Variants in MPV17 observed in about 807,000 individuals in gnomAD.
The protein encoded by MPV17 is mitochondrial inner membrane protein MPV17, also known as MPV17, mitochondrial inner membrane protein.
Under a neutral mutation model 28.6 loss-of-function variants are expected in MPV17, and 31 were observed. That is an observed-to-expected ratio of 1.08 (90% CI 0.81 to 1.46). The LOEUF is 1.46. MPV17 is among the 40% of genes most tolerant of loss of function. The pLI is 0.00. For missense variants in MPV17, 198 were observed against 216.2 expected (o/e 0.92, Z 0.53); for synonymous variants, 87 against 85.3 (o/e 1.02, Z -0.11).
intron 2 of MPV17, chr2:27,321,852 T>C (rs910717232): frequency 1.3e-5 from 2 of 155,226 alleles, no homozygotes; most frequent in African/African-American, 4.8e-5. Context: ...ATGAACGATA[T>C]AAACAAAACT....
Position 27,320,018 on chromosome 2 carries a change from ACGAGGTCAAGTGTC to A in MPV17, c.70+2416_70+2429del, listed in dbSNP as rs532566245. On this transcript the variant is annotated intron_variant, in intron 2 of 7. Transcript: ENST00000380044. ...TTTAGGAGGCCGAGGCGGGTGAATCACGAGGTCAAGTGTCCGAGACCAGCCTGGCCAACATGGTG... is the reference window on the plus strand; with the variant it reads ...TTTAGGAGGCCGAGGCGGGTGAATCACGAGACCAGCCTGGCCAACATGGTG... Among the ~76,000 whole-genome samples the A allele has an allele frequency of 6.4e-3, 967 of 151,106 alleles. 8 individuals are homozygous for A. Among genetic ancestry groups the A allele is most frequent in the South Asian group, 0.01 (49 of 4,774 alleles).
chr2:27,322,533 AAGAGG>A lies in MPV17; in HGVS notation c.-5-16_-5-12del, dbSNP rs1215921551. The A allele has an allele frequency of 6.2e-7, 1 of 1,613,122 alleles. No individual in the cohort carries two copies. The highest frequency in any genetic ancestry group is 1.7e-5 in the Admixed American group (1 of 60,026). On this transcript the variant is annotated splice_polypyrimidine_tract_variant and intron_variant, in intron 1 of 7. Coordinates refer to ENST00000380044, the MANE Select transcript of MPV17 (RefSeq NM_002437.5). ...AGAGTGCCATGCTTCCTGTCAAGCCAAGAGGAGAGGGGGTCACCCCCACCGTCCCT... is the reference window on the plus strand; with the variant it reads ...AGAGTGCCATGCTTCCTGTCAAGCCAAGAGGGGGTCACCCCCACCGTCCCT...
intron 2 of MPV17, chr2:27,316,074 C>T: frequency 6.4e-7 from 1 of 1,550,678 alleles, no homozygotes; most frequent in Non-Finnish European, 8.7e-7. Context: ...CCCAAAGGGC[C>T]TGCATATCAA....
At chr2:27,319,411 C>T (rs559026420) in intron 2 of MPV17, among the ~76,000 whole-genome samples, 1 of 147,196 alleles carries the variant, frequency 6.8e-6, no homozygotes, top group East Asian at 2.1e-4. Flanking sequence ...CGGTCCCAAC[C>T]ACTCGGGAGG....
intron 2 of MPV17, among the ~76,000 whole-genome samples, chr2:27,314,105 G>A (rs2148217300): frequency 6.6e-6 from 1 of 152,294 alleles, no homozygotes; most frequent in East Asian, 1.9e-4. Flanking sequence ...CAGGAGGATT[G>A]CTTGAGCCCA....
chr2:27,322,597 G>T, intron 1 of MPV17, 75 bp from the exon 2 acceptor site: 1 of 1,211,178 alleles, frequency 8.3e-7, no homozygotes, highest in African/African-American at 1.5e-5. Context: ...ACATTCCCTT[G>T]TGCCCACTCC....
chr2:27,310,095 A>C, intron 7 of MPV17, 114 bp from the exon 8 acceptor site: 1 of 842,672 alleles, frequency 1.2e-6, no homozygotes, highest in Non-Finnish European at 2.0e-6. Context: ...TGGCAGGTTT[A>C]GGTCTCTTTC....
chr2:27,310,901 C>T (rs747705616), intron 7 of MPV17, among the ~76,000 whole-genome samples: 3 of 147,712 alleles, frequency 2.0e-5, no homozygotes, highest in Non-Finnish European at 3.0e-5. Context: ...CCTGCCACCA[C>T]ACCCAGCTAA....
chr2:27,313,759 C>A (rs1028243866), intron 2 of MPV17, among the ~76,000 whole-genome samples: 1 of 152,144 alleles, frequency 6.6e-6, no homozygotes, highest in Non-Finnish European at 1.5e-5. Context: ...GTTGTCCAGG[C>A]TAGAGTGCAG....
intron 7 of MPV17, chr2:27,311,598 A>G (rs1347984323): frequency 1.3e-6 from 2 of 1,550,550 alleles, no homozygotes; most frequent in Non-Finnish European, 8.7e-7. Flanking sequence ...GCAGCACCCC[A>G]GCCACTGTCC....
chr2:27,310,286 G>C (rs1679381557), intron 7 of MPV17, among the ~76,000 whole-genome samples: 1 of 152,146 alleles, frequency 6.6e-6, no homozygotes, highest in African/African-American at 2.4e-5. Flanking sequence ...AGGAGAGACA[G>C]GGTTTCACCA....
Position 27,317,142 on chromosome 2 carries a change from G to C in MPV17, c.71-4033C>G. The C allele has an allele frequency of 6.5e-7, 1 of 1,550,344 alleles. No individual in the cohort carries two copies. The highest frequency in any genetic ancestry group is 8.7e-7 in the Non-Finnish European group (1 of 1,146,952). ...GCAAGAAGTGGCTTCTTGGAGTGAG[G>C]AGCAGGAAGCGTGTCCTTCAGTCCA... On this transcript the variant is annotated intron_variant, in intron 2 of 7. Transcript: ENST00000380044. The surrounding 1 kb of genome is among the most constrained non-coding windows in gnomAD (Gnocchi z 4.0).
At chr2:27,311,576 C>T (rs1216346062) in intron 7 of MPV17, 3 of 1,550,294 alleles carry the variant, frequency 1.9e-6, no homozygotes, top group Non-Finnish European at 2.6e-6. Flanking sequence ...ACCTCTCTGT[C>T]TAACCTAGGC....
rs975066101 is a variant in MPV17, at chr2:27,316,849, G to A, written c.71-3740C>T. The A allele has an allele frequency of 5.5e-5, 25 of 455,712 alleles. No homozygotes were observed. In the Admixed American group the frequency reaches 7.0e-4, roughly 13 times the overall value. The allele number at this position is 455,712 out of a possible 1,614,324, so 28.2% of individuals were successfully genotyped here. Reference sequence around the variant, plus strand: ...AATGACAGGCTGGGCGTGGAGCCCAGCGAGCAGATGCTGGCGCAGGTGTGA... The same window carrying A: ...AATGACAGGCTGGGCGTGGAGCCCAACGAGCAGATGCTGGCGCAGGTGTGA... On this transcript the variant is annotated intron_variant, in intron 2 of 7. Coordinates refer to ENST00000380044, the MANE Select transcript of MPV17 (RefSeq NM_002437.5).
chr2:27,322,639 G>T, intron 1 of MPV17, 117 bp from the exon 2 acceptor site: 1 of 811,266 alleles, frequency 1.2e-6, no homozygotes, highest in South Asian at 1.4e-5. Flanking sequence ...GTGACTTAAA[G>T]GGGCAGAGGC....
At chr2:27,312,901 G>A (rs1364161041) in intron 3 of MPV17, 93 bp downstream of exon 3, 1 of 1,545,528 alleles carries the variant, frequency 6.5e-7, no homozygotes, top group Non-Finnish European at 8.9e-7. Context: ...CGGCAGGTTG[G>A]CTTAGGTGTG....
Position 27,322,501 on chromosome 2 carries a change from G to A in MPV17, c.17C>T (p.Ala6Val), listed in dbSNP as rs1171406887. 1 of 1,614,014 alleles carries A rather than the reference G, an allele frequency of 6.2e-7. No individual in the cohort carries two copies. The highest frequency in any genetic ancestry group is 1.1e-5 in the South Asian group (1 of 91,086). MALWR[A>V]YQRALAAHPW... ...GTGAGCGGCCAGGGCCCGCTGGTAT[G>A]CCCGCCAGAGTGCCATGCTTCCTGT... The change falls in exon 2 of 8, where the codon GCA becomes GTA. Residue 6 changes from alanine to valine, a missense_variant. Ala to Val is a moderately conservative substitution (Grantham distance 64). Transcript: ENST00000380044.
At chr2:27,315,961 G>A in intron 2 of MPV17, 1 of 1,480,318 alleles carries the variant, frequency 6.8e-7, no homozygotes, top group Non-Finnish European at 8.9e-7. Context: ...GGACCAAGGA[G>A]GCCAGGGTAT....
chr2:27,322,169 T>G, intron 2 of MPV17: 1 of 539,690 alleles, frequency 1.9e-6, no homozygotes, highest in Non-Finnish European at 3.3e-6. Context: ...TGAGGCCTCC[T>G]GGGGCAATGC....
Sources: gnomAD v4.1 joint callset for allele counts (sites outside exome capture counted in the v4.1 genomes callset) on GRCh38, gnomAD v4.1.1 for gene constraint, Gnocchi (gnomAD v3.1) non-coding constraint, MANE v1.5 for transcripts, NCBI Gene and HGNC (gene_info 2026-07-23, HGNC 2026-07-21) for gene names.